The following RYR1 variants were observed in gnomAD, a reference collection of about 807,000 sequenced individuals.
RYR1 encodes the protein central core disease of muscle.
RYR1 carries 342 observed loss-of-function variants against 583.5 expected under a neutral mutation model. The ratio of observed to expected loss-of-function variants is 0.59; its 90% CI spans 0.54 to 0.64. The LOEUF (loss-of-function observed/expected upper bound fraction) is 0.64, where lower values mean the gene tolerates loss of function less well. Among genes scored for constraint, RYR1 ranks in the 30% least tolerant of loss-of-function variants. The probability of loss-of-function intolerance (pLI) is 0.00; values close to 1 mark genes in which losing one functional copy is unlikely to be tolerated. For missense variants in RYR1, 6,032 were observed against 6,917.2 expected (o/e 0.87, Z 4.54); for synonymous variants, 2,791 against 2,822.5 (o/e 0.99, Z 0.35).
Position 38,502,714 on chromosome 19 carries a change from A to G in RYR1, c.7822A>G (p.Met2608Val), listed in dbSNP as rs1312385162. Reference sequence around the variant, plus strand: ...GCGTGACGTCATCGAGGACTGCCTCATGTCGCTCTGCAGGTGGAGCGGGGC... The same window carrying G: ...GCGTGACGTCATCGAGGACTGCCTCGTGTCGCTCTGCAGGTGGAGCGGGGC... Reference protein sequence around the residue: ...AQRDVIEDCLMSLCRYIRPSM... With the variant: ...AQRDVIEDCLVSLCRYIRPSM... The change falls in exon 48 of 106, where the codon ATG becomes GTG. Residue 2608 changes from methionine to valine, a missense_variant. By Grantham distance (21) the Met-to-Val change is conservative. Transcript: ENST00000359596. 3.6e-6 allele frequency: 5 copies of G among 1,401,406 alleles called. No individual in the cohort carries two copies. The highest frequency in any genetic ancestry group is 3.8e-6 in the Non-Finnish European group (4 of 1,046,690). The allele number at this position is 1,401,406 out of a possible 1,614,324, so 86.8% of individuals were successfully genotyped here.
chr19:38,440,741 G>A lies in RYR1; in HGVS notation c.46-4G>A, dbSNP rs201094741. 2.4e-5 allele frequency: 38 copies of A among 1,605,302 alleles called. No homozygotes were observed. The highest frequency in any genetic ancestry group is 5.5e-5 in the South Asian group (5 of 90,660). ...CCTGGAGACGCTGCCCCTCGGTTCC[G>A]CAGGACGATGAGGTGGTCCTGCAGT... On this transcript the variant is annotated splice_region_variant and splice_polypyrimidine_tract_variant and intron_variant, in intron 1 of 105. Transcript: ENST00000359596.
rs1374179361 is a variant in RYR1, at chr19:38,516,213, G to A, written c.9681G>A (p.Arg3227=). The A allele has an allele frequency of 2.5e-6, 4 of 1,586,338 alleles. No individual in the cohort carries two copies. Among genetic ancestry groups the A allele is most frequent in the Admixed American group, 1.8e-5 (1 of 56,130 alleles). Residue 3227 remains arginine (R), a synonymous_variant, in exon 65 of 106, where the codon CGG becomes CGA. Coordinates refer to ENST00000359596, the MANE Select transcript of RYR1 (RefSeq NM_000540.3). ...SVYTTKSPRE[R]AILGLPNSVE... ...ACACCACCAAGTCTCCGCGGGAGCG[G>A]GCCAGTAAGCTGTGTGGGGCGGGAG...
At position 38,461,746 on chromosome 19, in the gene RYR1, G is replaced by A. The variant is rs57121743; in HGVS notation, c.2577+1155G>A. 1.5e-4 allele frequency among the ~76,000 whole-genome samples: 14 copies of A among 94,190 alleles called. 1 individual carries two copies. Among genetic ancestry groups the A allele is most frequent in the South Asian group, 4.4e-4 (1 of 2,294 alleles). 61.8% of individuals were successfully genotyped at this position (94,190 alleles called of 152,430 possible). A position where few individuals can be genotyped will look rare whatever the true frequency, so the allele number is the denominator to read the frequency against. On this transcript the variant is annotated intron_variant, in intron 20 of 105. Transcript: ENST00000359596. ...GAAAAAAAAAAAAAAAAAAAGAAAG[G>A]GAGAGAGAGAGAGAAAGAAAGAAAA...
chr19:38,563,512 G>A (rs997853380), intron 90 of RYR1, among the ~76,000 whole-genome samples: 3 of 152,196 alleles, frequency 2.0e-5, no homozygotes, highest in Non-Finnish European at 4.4e-5. Flanking sequence ...TGATCCGCCC[G>A]CCTCGGCCTC....
At chr19:38,448,237 G>T in intron 9 of RYR1, 118 bp from the exon 10 acceptor site, 1 of 1,178,384 alleles carries the variant, frequency 8.5e-7, no homozygotes, top group Non-Finnish European at 1.2e-6. Context: ...TTCAAGATCA[G>T]CTTGGGCAAC....
At chr19:38,548,446 C>T (rs763385874) in intron 89 of RYR1, 26 bp downstream of exon 89, 2 of 1,608,698 alleles carry the variant, frequency 1.2e-6, no homozygotes. Flanking sequence ...CGTGTGGGCC[C>T]AGGACTTGGG....
chr19:38,467,457 C>T lies in RYR1; in HGVS notation c.3179-153C>T, dbSNP rs74603652. Among the ~76,000 whole-genome samples, 4,119 of 152,204 alleles carry T rather than the reference C, an allele frequency of 0.027. 172 individuals are homozygous for T. Among genetic ancestry groups the T allele is most frequent in the African/African-American group, 0.09 (3,716 of 41,502 alleles). The stretch of plus-strand genomic sequence containing the variant: ...CCTCTCTCTGACTTTTCTGAGGTTC[C>T]CCAATTCTCCTCTAACTCCAAGAAA... On this transcript the variant is annotated intron_variant, in intron 24 of 105. Transcript: ENST00000359596.
At position 38,502,695 on chromosome 19, in the gene RYR1, C is replaced by T. The variant is rs763908615; in HGVS notation, c.7803C>T (p.Asp2601=). ...RGRSLTKAQR[D]VIEDCLMSLC... ...GTTCGCTCACCAAGGCGCAGCGTGA[C>T]GTCATCGAGGACTGCCTCATGTCGC... The change falls in exon 48 of 106, where the codon GAC becomes GAT. Residue 2601 remains aspartate (D), a synonymous_variant. Transcript: ENST00000359596. 2.1e-5 allele frequency: 34 copies of T among 1,593,526 alleles called. 1 individual carries two copies. The highest frequency in any genetic ancestry group is 2.0e-4 in the South Asian group (18 of 90,788).
chr19:38,490,047 T>C, intron 35 of RYR1, 29 bp from the exon 36 acceptor site: 2 of 1,610,988 alleles, frequency 1.2e-6, no homozygotes, highest in Non-Finnish European at 8.5e-7. Flanking sequence ...CACCTCCATC[T>C]CTCCTCCCAC....
In RYR1 at chr19:38,521,701, AAG is replaced by A. The variant is rs1208128557; in HGVS notation, c.10260-1325_10260-1324del. On this transcript the variant is annotated intron_variant, in intron 67 of 105. Coordinates refer to ENST00000359596, the MANE Select transcript of RYR1 (RefSeq NM_000540.3). Reference sequence around the variant, plus strand: ...GACAGAGCGAGACCCTGTCTCAAAAAAGAAAAAAAGAAAATTTTTTTTTTTTT... The same window carrying A: ...GACAGAGCGAGACCCTGTCTCAAAAAAAAAAAAGAAAATTTTTTTTTTTTT... Among the ~76,000 whole-genome samples, 6 of 151,760 alleles carry A rather than the reference AAG, an allele frequency of 4.0e-5. No homozygotes were observed. The East Asian group carries it at 1.2e-3, about 30-fold the overall frequency.
rs146429605 is a variant in RYR1 at position 38,483,293 on chromosome 19, A to G, written c.4711A>G (p.Ile1571Val). ...IQFELGKQKNIMPLSAAMFQS... is the reference protein window; with the variant it reads ...IQFELGKQKNVMPLSAAMFQS... ...ATGTGTGTCTCTCTGCCCTCAGAAC[A>G]TCATGCCGTTGTCAGCCGCCATGTT... Residue 1571 changes from isoleucine to valine, a missense_variant, in exon 33 of 106, where the codon ATC becomes GTC. Coordinates refer to ENST00000359596, the MANE Select transcript of RYR1 (RefSeq NM_000540.3). This position sits in a 1 kb window ranked among gnomAD's most constrained non-coding sequence, Gnocchi z 6.3. 1,871 of 1,560,442 alleles carry G rather than the reference A, an allele frequency of 1.2e-3. 4 individuals are homozygous for G. The highest frequency in any genetic ancestry group is 1.7e-3 in the Middle Eastern group (10 of 5,980).
chr19:38,457,750 G>A, intron 17 of RYR1, 120 bp downstream of exon 17: 1 of 1,059,374 alleles, frequency 9.4e-7, no homozygotes, highest in South Asian at 1.3e-5. Context: ...TTAACAACCA[G>A]TCCTCACAGA....
At chr19:38,494,193 T>C (rs1366284940) in intron 38 of RYR1, among the ~76,000 whole-genome samples, 159 bp from the exon 39 acceptor site, 1 of 152,152 alleles carries the variant, frequency 6.6e-6, no homozygotes, top group Non-Finnish European at 1.5e-5. Flanking sequence ...GAAAACAATC[T>C]GCTAGAATCT....
chr19:38,565,873 T>G lies in RYR1; in HGVS notation c.13437+102T>G. On this transcript the variant is annotated intron_variant, in intron 91 of 105. Transcript: ENST00000359596. The surrounding 1 kb of genome is among the most constrained non-coding windows in gnomAD (Gnocchi z 4.7). ...GACACACACAGAGGAGAGAACTGGC[T>G]AGGGGGATGGGCACACGCACCCACG... 1 of 1,257,686 alleles carries G rather than the reference T, an allele frequency of 8.0e-7. No individual in the cohort carries two copies. Among genetic ancestry groups the G allele is most frequent in the South Asian group, 2.4e-5 (1 of 42,300 alleles). 77.9% of individuals were successfully genotyped at this position (1,257,686 alleles called of 1,614,324 possible). A position where few individuals can be genotyped will look rare whatever the true frequency, so the allele number is the denominator to read the frequency against.
intron 25 of RYR1, among the ~76,000 whole-genome samples, chr19:38,468,207 TCATCCATCCATC>T (rs561219158): frequency 5.4e-5 from 8 of 148,936 alleles, no homozygotes; most frequent in Middle Eastern, 3.4e-3. Context: ...TATAGTCCCA[TCATCCATCCATC>T]CATCCATCCA....
rs1327015955 is a variant in RYR1, at chr19:38,494,745, G to A, written c.6548+120G>A. 2.1e-5 allele frequency: 27 copies of A among 1,256,742 alleles called. 1 individual carries two copies. The highest frequency in any genetic ancestry group is 2.4e-4 in the Middle Eastern group (1 of 4,202). The allele number at this position is 1,256,742 out of a possible 1,614,324, so 77.8% of individuals were successfully genotyped here. On this transcript the variant is annotated intron_variant, in intron 39 of 105. Transcript: ENST00000359596. ...ATCCTCTGGGTGATCTCAGTCTCTCGATGGCTAGCTCACCTCCTGGGTAAT... is the reference window on the plus strand; with the variant it reads ...ATCCTCTGGGTGATCTCAGTCTCTCAATGGCTAGCTCACCTCCTGGGTAAT...
intron 105 of RYR1, 70 bp from the exon 106 acceptor site, chr19:38,587,255 A>T (rs1974536469): frequency 4.2e-5 from 41 of 978,762 alleles, no homozygotes; most frequent in East Asian, 7.9e-5. Flanking sequence ...CCTGTCTAAA[A>T]ATATATATAT....
chr19:38,494,740 C>T, intron 39 of RYR1, 115 bp downstream of exon 39: 1 of 1,307,798 alleles, frequency 7.6e-7, no homozygotes, highest in Non-Finnish European at 1.1e-6. Flanking sequence ...TGATCTCAGT[C>T]TCTCGATGGC....
intron 1 of RYR1, among the ~76,000 whole-genome samples, chr19:38,437,238 A>G (rs1972468176): frequency 6.6e-6 from 1 of 151,784 alleles, no homozygotes; most frequent in South Asian, 2.1e-4. Context: ...TTTAATAGAG[A>G]TGGGGTTTCA....
Sources: gnomAD v4.1 joint callset for allele counts (sites outside exome capture counted in the v4.1 genomes callset) on GRCh38, gnomAD v4.1.1 for gene constraint, Gnocchi (gnomAD v3.1) non-coding constraint, MANE v1.5 for transcripts, NCBI Gene and HGNC (gene_info 2026-07-23, HGNC 2026-07-21) for gene names.